TFPI: variants seen among roughly 807,000 people sequenced by gnomAD.
The protein encoded by TFPI is tissue factor pathway inhibitor, also known as anti-convertin.
A neutral mutation model predicts 34.6 loss-of-function variants in TFPI; 15 were observed. The observed-to-expected ratio is 0.43, with a 90% CI of 0.29 to 0.67. The LOEUF is 0.67. Ranked by LOEUF, TFPI falls within the 30% of genes least tolerant of loss-of-function variation. The probability of loss-of-function intolerance (pLI) is 0.15; values close to 1 mark genes in which losing one functional copy is unlikely to be tolerated. For synonymous variants in TFPI, 105 were observed against 120.1 expected (o/e 0.87, Z 0.82); for missense variants, 301 against 364.0 (o/e 0.83, Z 1.41).
intron 1 of TFPI, among the ~76,000 whole-genome samples, chr2:187,545,976 A>G (rs1251704603): frequency 1.3e-5 from 2 of 152,090 alleles, no homozygotes; most frequent in African/African-American, 2.4e-5. Context: ...ATAAGGGGGA[A>G]GGGGGAGAAG....
chr2:187,508,925 T>C (rs1356883732), intron 1 of TFPI, among the ~76,000 whole-genome samples: 2 of 152,168 alleles, frequency 1.3e-5, no homozygotes, highest in African/African-American at 4.8e-5. Flanking sequence ...TGATATTGGC[T>C]GTGAGTTTGT....
Position 187,484,183 on chromosome 2 carries a change from T to G in TFPI, c.569A>C (p.Gln190Pro). The G allele has an allele frequency of 6.2e-7, 1 of 1,612,310 alleles. No individual in the cohort carries two copies. Among genetic ancestry groups the G allele is most frequent in the Non-Finnish European group, 8.5e-7 (1 of 1,178,802 alleles). Residue 190 changes from glutamine to proline, a missense_variant, in exon 6 of 8, where the codon CAG becomes CCG. Transcript: ENST00000233156. ...CAGGGAGTTATTCACAGCATTGAGCTGGGTTCCATAATTATCCACCTGGAA... is the reference window on the plus strand; with the variant it reads ...CAGGGAGTTATTCACAGCATTGAGCGGGGTTCCATAATTATCCACCTGGAA... ...NGFQVDNYGT[Q>P]LNAVNNSLTP...
At chr2:187,548,740 A>G (rs964971805) in intron 1 of TFPI, among the ~76,000 whole-genome samples, 1 of 152,086 alleles carries the variant, frequency 6.6e-6, no homozygotes, top group Non-Finnish European at 1.5e-5. Context: ...GGCTCTTATT[A>G]ATATTTGCAA....
chr2:187,551,472 G>A (rs1333581540), intron 1 of TFPI, among the ~76,000 whole-genome samples: 1 of 152,140 alleles, frequency 6.6e-6, no homozygotes, highest in Non-Finnish European at 1.5e-5. Context: ...TCAGCAACTG[G>A]TAGCTACTGG....
At chr2:187,538,148 T>C (rs1373466947) in intron 1 of TFPI, among the ~76,000 whole-genome samples, 2 of 152,170 alleles carry the variant, frequency 1.3e-5, no homozygotes, top group African/African-American at 4.8e-5. Flanking sequence ...GAGTGTAAAT[T>C]AATTCAACCA....
At chr2:187,527,674 G>C (rs1052192567) in intron 1 of TFPI, among the ~76,000 whole-genome samples, 6 of 152,248 alleles carry the variant, frequency 3.9e-5, no homozygotes, top group South Asian at 2.1e-4. Flanking sequence ...AAATTTGGCT[G>C]TATGCTGAAT....
At chr2:187,474,075 A>G (rs991691573) in intron 6 of TFPI, among the ~76,000 whole-genome samples, 1 of 152,186 alleles carries the variant, frequency 6.6e-6, no homozygotes, top group South Asian at 2.1e-4. Context: ...GCAAGGCCAC[A>G]AAGAAAGAAA....
intron 6 of TFPI, among the ~76,000 whole-genome samples, chr2:187,479,237 A>G (rs1692639912): frequency 6.6e-6 from 1 of 152,064 alleles, no homozygotes; most frequent in African/African-American, 2.4e-5. Context: ...CTAGTGGACA[A>G]TGCAGACAAA....
intron 1 of TFPI, among the ~76,000 whole-genome samples, chr2:187,512,989 T>C (rs1480069969): frequency 6.6e-6 from 1 of 152,128 alleles, no homozygotes; most frequent in Non-Finnish European, 1.5e-5. Context: ...TAATTGGGCC[T>C]CCTGAATGTA....
rs541576483 is a variant in TFPI, at chr2:187,472,395, A to C, written c.629-4463T>G. On this transcript the variant is annotated intron_variant, in intron 6 of 7. Transcript: ENST00000233156. Reference sequence around the variant, plus strand: ...AGGTGCTTCCAGAGGACATACTTCTAAAATTAGAATTATGCAAAATCTATA... The same window carrying C: ...AGGTGCTTCCAGAGGACATACTTCTCAAATTAGAATTATGCAAAATCTATA... Among the ~76,000 whole-genome samples the C allele has an allele frequency of 9.8e-5, 15 of 152,296 alleles. No individual in the cohort carries two copies. The East Asian group carries it at 2.9e-3, about 29-fold the overall frequency.
At chr2:187,523,938 A>G (rs1687548612) in intron 1 of TFPI, among the ~76,000 whole-genome samples, 1 of 152,120 alleles carries the variant, frequency 6.6e-6, no homozygotes, top group Admixed American at 6.5e-5. Flanking sequence ...TTAGTAGGAA[A>G]CAATTATTTG....
chr2:187,472,153 A>G (rs1338277632), intron 6 of TFPI, among the ~76,000 whole-genome samples: 1 of 152,120 alleles, frequency 6.6e-6, no homozygotes, highest in African/African-American at 2.4e-5. Flanking sequence ...TTGCATATTC[A>G]AATGTATTAA....
chr2:187,540,565 C>T lies in TFPI; in HGVS notation c.-3+13635G>A, dbSNP rs182513369. ...AGATGTAAGTCATATAAAGAGATGACTTCTTTTATGTAATACATTTTCTTA... is the reference window on the plus strand; with the variant it reads ...AGATGTAAGTCATATAAAGAGATGATTTCTTTTATGTAATACATTTTCTTA... On this transcript the variant is annotated intron_variant, in intron 1 of 7. Transcript: ENST00000233156. Among the ~76,000 whole-genome samples, 4 of 152,184 alleles carry T rather than the reference C, an allele frequency of 2.6e-5. No individual in the cohort carries two copies. In the East Asian group the frequency reaches 7.7e-4, roughly 29 times the overall value.
At chr2:187,503,872 T>C in intron 1 of TFPI, 102 bp from the exon 2 acceptor site, 1 of 1,255,876 alleles carries the variant, frequency 8.0e-7, no homozygotes, top group Non-Finnish European at 1.1e-6. Flanking sequence ...CAAATTTCTA[T>C]GCCATTTTAT....
chr2:187,483,597 G>A (rs1191151767), intron 6 of TFPI, among the ~76,000 whole-genome samples: 1 of 151,840 alleles, frequency 6.6e-6, no homozygotes, highest in Non-Finnish European at 1.5e-5. Flanking sequence ...TGATAAATAG[G>A]TTAACAGACA....
At chr2:187,484,589 A>G in intron 5 of TFPI, 1 of 507,176 alleles carries the variant, frequency 2.0e-6, no homozygotes, top group African/African-American at 2.0e-5. Flanking sequence ...AGGAAGAAGA[A>G]TTAAATAATG....
chr2:187,466,845 TA>T lies in TFPI; in HGVS notation c.*90del. On this transcript the variant is annotated 3_prime_UTR_variant, in exon 8 of 8. Transcript: ENST00000233156. ...TAGAAAATTTAATGAACATATTAAT[TA>T]AAAGCATTTTAGAAGAAAAATAGAA... The T allele has an allele frequency of 1.4e-6, 1 of 723,224 alleles. No individual in the cohort carries two copies. The highest frequency in any genetic ancestry group is 3.4e-5 in the Admixed American group (1 of 29,100). The allele number at this position is 723,224 out of a possible 1,614,324, so 44.8% of individuals were successfully genotyped here.
chr2:187,547,009 T>C (rs1337271013), intron 1 of TFPI: 4 of 152,198 alleles, frequency 2.6e-5, no homozygotes, highest in African/African-American at 9.6e-5. Context: ...GATTAATAGC[T>C]AAAAAGATCA....
At chr2:187,478,658 A>G in intron 6 of TFPI, 2 of 1,610,356 alleles carry the variant, frequency 1.2e-6, no homozygotes, top group South Asian at 2.2e-5. Flanking sequence ...TATTAAGGAA[A>G]TGCCAAAAGC....
Sources: allele counts gnomAD v4.1 joint callset (sites outside exome capture counted in the v4.1 genomes callset), GRCh38; gene constraint gnomAD v4.1.1; transcripts MANE v1.5; gene names NCBI Gene and HGNC (gene_info 2026-07-23, HGNC 2026-07-21).